MGAT4C: variants seen among roughly 807,000 people sequenced by gnomAD.
MGAT4C encodes MGAT4 family member C.
A neutral mutation model predicts 40.1 loss-of-function variants in MGAT4C; 19 were observed. That is an observed-to-expected ratio of 0.47 (90% confidence interval 0.33 to 0.70). The LOEUF (loss-of-function observed/expected upper bound fraction) is 0.70. MGAT4C is among the 30% of genes least tolerant of loss of function. The pLI is 0.02. For synonymous variants in MGAT4C, 181 were observed against 187.1 expected (o/e 0.97, Z 0.27); for missense variants, 491 against 563.2 (o/e 0.87, Z 1.30).
At chr12:86,393,699 T>C (rs563042165) in intron 3 of MGAT4C, among the ~76,000 whole-genome samples, 2 of 152,186 alleles carry the variant, frequency 1.3e-5, no homozygotes, top group East Asian at 1.9e-4. Context: ...TTGGAGGGTA[T>C]AGTAATCACT....
chr12:86,169,819 AG>A lies in MGAT4C; in HGVS notation c.-57+86419del, dbSNP rs1487756004. ...TCACTCTCAAAAACTACCAAAGCCCAGAAAGAGAAAAGATATGGAGAAATCA... is the reference window on the plus strand; with the variant it reads ...TCACTCTCAAAAACTACCAAAGCCCAAAAGAGAAAAGATATGGAGAAATCA... On this transcript the variant is annotated intron_variant, in intron 1 of 4. Transcript: ENST00000611864. Among the ~76,000 whole-genome samples, 4 of 152,342 alleles carry A rather than the reference AG, an allele frequency of 2.6e-5. No individual in the cohort carries two copies. The East Asian group carries it at 7.7e-4, about 29-fold the overall frequency.
intron 2 of MGAT4C, chr12:86,013,579 A>G (rs1392673170): frequency 4.6e-6 from 1 of 217,684 alleles, no homozygotes; most frequent in African/African-American, 2.3e-5. Context: ...ATATATTCCT[A>G]TACATATAAA....
Position 86,529,469 on chromosome 12 carries a change from C to G in MGAT4C, c.-228-94204G>C, listed in dbSNP as rs79641492. ...TTTAAACCACAAACCCAGACATTCA[C>G]ACTTGCTTCAGTGGCAGGCAATTTT... On this transcript the variant is annotated intron_variant, in intron 2 of 7. Transcript: ENST00000548651. 3.4e-3 allele frequency among the ~76,000 whole-genome samples: 512 copies of G among 152,152 alleles called. 1 individual carries two copies. Among genetic ancestry groups the G allele is most frequent in the African/African-American group, 0.012 (495 of 41,552 alleles).
intron 2 of MGAT4C, among the ~76,000 whole-genome samples, chr12:86,708,427 G>T (rs924496746): frequency 6.6e-6 from 1 of 152,232 alleles, no homozygotes; most frequent in East Asian, 1.9e-4. Flanking sequence ...GAGAATGCCT[G>T]CTGGGCAGTG....
chr12:86,709,531 G>T, intron 2 of MGAT4C, among the ~76,000 whole-genome samples: 1 of 151,886 alleles, frequency 6.6e-6, no homozygotes. Context: ...TTTACTGTAA[G>T]CATATATAGA....
chr12:86,371,515 C>A (rs1955713910), intron 3 of MGAT4C, among the ~76,000 whole-genome samples: 1 of 151,946 alleles, frequency 6.6e-6, no homozygotes, highest in Non-Finnish European at 1.5e-5. Flanking sequence ...GTAGAACACC[C>A]CTCACTAGGT....
chr12:86,250,291 T>C (rs1952214582), intron 1 of MGAT4C, among the ~76,000 whole-genome samples: 2 of 149,200 alleles, frequency 1.3e-5, no homozygotes, highest in South Asian at 4.2e-4. Flanking sequence ...AGATGCTTCA[T>C]TAAAACAAAA....
intron 2 of MGAT4C, among the ~76,000 whole-genome samples, chr12:86,612,796 G>C (rs1387938999): frequency 6.8e-6 from 1 of 146,714 alleles, no homozygotes; most frequent in African/African-American, 2.5e-5. Context: ...ACCAAATTAA[G>C]CTGTTTTTCA....
chr12:86,540,180 T>C (rs1959149040), intron 2 of MGAT4C, among the ~76,000 whole-genome samples: 1 of 152,224 alleles, frequency 6.6e-6, no homozygotes, highest in Admixed American at 6.5e-5. Context: ...CTTTAATCCA[T>C]CTTGATTAAG....
chr12:86,214,564 G>C (rs961330110), intron 1 of MGAT4C, among the ~76,000 whole-genome samples: 1 of 152,158 alleles, frequency 6.6e-6, no homozygotes, highest in Non-Finnish European at 1.5e-5. Context: ...TTATTTGCTT[G>C]GTGAGATCCC....
intron 2 of MGAT4C, among the ~76,000 whole-genome samples, chr12:86,659,589 G>T (rs1466697357): frequency 6.6e-6 from 1 of 151,868 alleles, no homozygotes; most frequent in Non-Finnish European, 1.5e-5. Context: ...GATAGTAAGA[G>T]GAAAACTAAA....
intron 2 of MGAT4C, among the ~76,000 whole-genome samples, chr12:86,530,518 A>G (rs576566821): frequency 6.6e-6 from 1 of 152,154 alleles, no homozygotes; most frequent in East Asian, 1.9e-4. Context: ...TAAAAGCAAC[A>G]CTAACTCTTG....
intron 1 of MGAT4C, among the ~76,000 whole-genome samples, chr12:86,115,678 A>G (rs1878295888): frequency 1.3e-5 from 2 of 152,146 alleles, no homozygotes; most frequent in South Asian, 4.1e-4. Context: ...GGGGAATATA[A>G]ATGAGATGTC....
At chr12:86,435,634 A>G (rs1021407758) in intron 2 of MGAT4C, among the ~76,000 whole-genome samples, 4 of 151,900 alleles carry the variant, frequency 2.6e-5, no homozygotes, top group African/African-American at 9.7e-5. Flanking sequence ...TACTAATGAG[A>G]TATCAGTATT....
chr12:86,063,648 G>T (rs1894217946), intron 1 of MGAT4C, among the ~76,000 whole-genome samples: 1 of 152,112 alleles, frequency 6.6e-6, no homozygotes, highest in Non-Finnish European at 1.5e-5. Context: ...GCTGTATTCA[G>T]GAGACCCATC....
At chr12:86,553,650 C>T (rs926378144) in intron 2 of MGAT4C, among the ~76,000 whole-genome samples, 3 of 152,066 alleles carry the variant, frequency 2.0e-5, no homozygotes, top group Non-Finnish European at 2.9e-5. Flanking sequence ...ACCAGTTTAC[C>T]TATAGCTTGC....
intron 1 of MGAT4C, among the ~76,000 whole-genome samples, chr12:86,202,463 T>C (rs377468428): frequency 2.0e-5 from 3 of 152,218 alleles, no homozygotes; most frequent in East Asian, 3.9e-4. Flanking sequence ...TTATAATTTA[T>C]ACTTATTATT....
At chr12:86,472,167 A>G (rs1463247807) in intron 2 of MGAT4C, among the ~76,000 whole-genome samples, 10 of 152,162 alleles carry the variant, frequency 6.6e-5, no homozygotes, top group Non-Finnish European at 1.3e-4. Flanking sequence ...TGATAATCTC[A>G]GAAACTTTTG....
At chr12:86,491,045 G>A (rs542761122) in intron 2 of MGAT4C, among the ~76,000 whole-genome samples, 51 of 152,188 alleles carry the variant, frequency 3.4e-4, no homozygotes, top group African/African-American at 1.1e-3. Flanking sequence ...ATTGAACTCA[G>A]CTCTGCACCA....
Sources: gnomAD v4.1 joint callset for allele counts (sites outside exome capture counted in the v4.1 genomes callset) on GRCh38, gnomAD v4.1.1 for gene constraint, MANE v1.5 for transcripts, NCBI Gene and HGNC (gene_info 2026-07-23, HGNC 2026-07-21) for gene names.